The following CCT2 variants were observed in gnomAD, a reference collection of about 807,000 sequenced individuals.
CCT2 encodes the protein chaperonin containing TCP1 subunit 2.
CCT2 carries 18 observed loss-of-function variants against 61.8 expected under a neutral mutation model. The observed-to-expected ratio is 0.29, with a 90% CI of 0.20 to 0.43. The LOEUF (loss-of-function observed/expected upper bound fraction) is 0.43, where lower values mean the gene tolerates loss of function less well. Ranked by LOEUF, CCT2 falls within the 20% of genes least tolerant of loss-of-function variation. The probability of loss-of-function intolerance (pLI) is 1.00; values close to 1 mark genes in which losing one functional copy is unlikely to be tolerated. For missense variants in CCT2, 556 were observed against 656.9 expected (o/e 0.85, Z 1.68); for synonymous variants, 248 against 215.9 (o/e 1.15, Z -1.30).
intron 12 of CCT2, 70 bp from the exon 13 acceptor site, chr12:69,597,898 T>C: frequency 2.8e-6 from 4 of 1,449,116 alleles, no homozygotes; most frequent in Non-Finnish European, 3.8e-6. Context: ...TGGCATATCT[T>C]AAAGTCAGTA....
intron 1 of CCT2, 93 bp downstream of exon 1, chr12:69,585,617 C>G (rs1229282340): frequency 4.5e-6 from 7 of 1,547,116 alleles, no homozygotes; most frequent in Non-Finnish European, 5.2e-6. Context: ...GTCGTAGGCT[C>G]CGTTTCTGTC....
At chr12:69,593,125 A>G (rs778935918) in intron 9 of CCT2, 22 bp downstream of exon 9, 1 of 1,596,044 alleles carries the variant, frequency 6.3e-7, no homozygotes, top group Non-Finnish European at 8.5e-7. Context: ...CTTTTAAGAA[A>G]GGATTTTTTT....
intron 11 of CCT2, 102 bp downstream of exon 11, chr12:69,597,377 T>C: frequency 7.3e-7 from 1 of 1,376,348 alleles, no homozygotes; most frequent in Non-Finnish European, 1.0e-6. Flanking sequence ...CTTACAAGTC[T>C]TAACTCTTCA....
intron 13 of CCT2, 26 bp downstream of exon 13, chr12:69,598,097 G>C (rs752235474): frequency 1.3e-6 from 2 of 1,518,742 alleles, no homozygotes; most frequent in Non-Finnish European, 1.8e-6. Flanking sequence ...TGAGAGATCC[G>C]AACTTAAGTT....
In CCT2 at chr12:69,590,436, A is replaced by G. The variant is rs562832874; in HGVS notation, c.649+749A>G. ...CTTAAAGAGTGATAAATGAGACATA[A>G]TAAGTACTGCTTTCTTAGTAGTACA... On this transcript the variant is annotated intron_variant, in intron 7 of 15. Coordinates refer to ENST00000299300, the MANE Select transcript of CCT2 (RefSeq NM_006431.3). 1.1e-4 allele frequency among the ~76,000 whole-genome samples: 17 copies of G among 152,326 alleles called. No individual in the cohort carries two copies. The South Asian group carries it at 3.1e-3, about 28-fold the overall frequency.
At chr12:69,586,376 TAA>T in intron 2 of CCT2, 32 bp downstream of exon 2, 1 of 1,525,890 alleles carries the variant, frequency 6.6e-7, no homozygotes, top group Non-Finnish European at 9.1e-7. Flanking sequence ...GTTTTAAAGA[TAA>T]AACTGGAGGC....
intron 7 of CCT2, among the ~76,000 whole-genome samples, chr12:69,591,027 G>A (rs546036914): frequency 3.6e-4 from 55 of 152,028 alleles, no homozygotes; most frequent in Non-Finnish European, 6.6e-4. Flanking sequence ...CCGCTGCGTA[G>A]CATTTCTGAT....
chr12:69,600,425 A>T (rs1260819372), intron 15 of CCT2, among the ~76,000 whole-genome samples: 1 of 152,234 alleles, frequency 6.6e-6, no homozygotes, highest in Non-Finnish European at 1.5e-5. Flanking sequence ...ATAACGCTTA[A>T]AAAATGTATA....
rs774632172 is a variant in CCT2 at position 69,585,468 on chromosome 12, G to A, written c.-54G>A. On this transcript the variant is annotated 5_prime_UTR_variant, in exon 1 of 16. Coordinates refer to ENST00000299300, the MANE Select transcript of CCT2 (RefSeq NM_006431.3). ...ACTTCCGGCTTCCTTCAGTCCGCTG[G>A]TCCCGAGCACGAGCTGTGAGGGGAT... 5.7e-5 allele frequency: 89 copies of A among 1,552,906 alleles called. No individual in the cohort carries two copies. Among genetic ancestry groups the A allele is most frequent in the Non-Finnish European group, 7.6e-5 (87 of 1,147,100 alleles).
intron 10 of CCT2, among the ~76,000 whole-genome samples, chr12:69,594,973 C>T (rs1197528639): frequency 2.6e-5 from 4 of 152,094 alleles, no homozygotes; most frequent in Non-Finnish European, 4.4e-5. Context: ...TCATAGTACA[C>T]TCTAAGCCCT....
At chr12:69,591,828 A>G (rs556447354) in intron 7 of CCT2, among the ~76,000 whole-genome samples, 11 of 152,270 alleles carry the variant, frequency 7.2e-5, no homozygotes, top group African/African-American at 2.6e-4. Context: ...GCTTATCACT[A>G]GAGACAGAAA....
chr12:69,597,513 T>C (rs1664500936), intron 11 of CCT2, 125 bp from the exon 12 acceptor site: 1 of 1,106,962 alleles, frequency 9.0e-7, no homozygotes, highest in Admixed American at 2.3e-5. Flanking sequence ...GCCTTGATTG[T>C]TGGAGAATGT....
chr12:69,594,470 A>G (rs1445576941), intron 10 of CCT2, among the ~76,000 whole-genome samples: 1 of 152,246 alleles, frequency 6.6e-6, no homozygotes, highest in Non-Finnish European at 1.5e-5. Context: ...AGTATACCTC[A>G]ATACCCTTTA....
intron 1 of CCT2, 65 bp from the exon 2 acceptor site, chr12:69,586,205 G>T: frequency 8.0e-7 from 1 of 1,245,730 alleles, no homozygotes. Context: ...CTAGTGGAAG[G>T]CACCTCAGTG....
intron 10 of CCT2, among the ~76,000 whole-genome samples, chr12:69,594,906 ATTG>A (rs1881943383): frequency 6.6e-6 from 1 of 151,930 alleles, no homozygotes; most frequent in East Asian, 1.9e-4. Flanking sequence ...TTTAAAAATT[ATTG>A]TTTATTAAAT....
In CCT2 at chr12:69,589,641, T is replaced by C; in HGVS notation, c.603T>C (p.Ile201=). 6.2e-7 allele frequency: 1 copy of C among 1,613,946 alleles called. No homozygotes were observed. ...CTGGCAACCTGGAGGCAATTCATAT[T>C]ATCAAGAAGCTAGGAGGAAGTTTGG... The part of the protein sequence containing the change: ...KGSGNLEAIH[I]IKKLGGSLAD... Residue 201 remains isoleucine (I), a synonymous_variant, in exon 7 of 16, where the codon ATT becomes ATC. Transcript: ENST00000299300.
chr12:69,585,899 G>C, intron 1 of CCT2: 2 of 1,274,770 alleles, frequency 1.6e-6, no homozygotes, highest in Non-Finnish European at 2.0e-6. Flanking sequence ...GCAGCCTTCC[G>C]AGGGTGGAAG....
chr12:69,597,909 A>G lies in CCT2; in HGVS notation c.1232-59A>G, dbSNP rs1882037824. 2.0e-6 allele frequency: 3 copies of G among 1,474,180 alleles called. No homozygotes were observed. In the Admixed American group the frequency reaches 5.5e-5, roughly 27 times the overall value. 91.3% of individuals were successfully genotyped at this position (1,474,180 alleles called of 1,614,324 possible). On this transcript the variant is annotated intron_variant, in intron 12 of 15. Coordinates refer to ENST00000299300, the MANE Select transcript of CCT2 (RefSeq NM_006431.3). The stretch of plus-strand genomic sequence containing the variant: ...TGCTTGGCATATCTTAAAGTCAGTA[A>G]TTCAGTATCTTGGAGACAACTAAGC...
intron 13 of CCT2, 27 bp from the exon 14 acceptor site, chr12:69,598,295 A>C: frequency 2.1e-6 from 3 of 1,454,272 alleles, no homozygotes; most frequent in Non-Finnish European, 1.9e-6. Flanking sequence ...TAGAGTGAGT[A>C]GTTACTTGTT....
Sources: gnomAD v4.1 joint callset for allele counts (sites outside exome capture counted in the v4.1 genomes callset) on GRCh38, gnomAD v4.1.1 for gene constraint, MANE v1.5 for transcripts, NCBI Gene and HGNC (gene_info 2026-07-23, HGNC 2026-07-21) for gene names.